The following HPSE2 variants were observed in gnomAD, a reference collection of about 807,000 sequenced individuals.
The protein encoded by HPSE2 is heparanase 2 (inactive).
Under a neutral mutation model 60.5 loss-of-function variants are expected in HPSE2, and 38 were observed. That is an observed-to-expected ratio of 0.63 (90% CI 0.48 to 0.82). The LOEUF is 0.82. Ranked by LOEUF, HPSE2 falls within the 40% of genes least tolerant of loss-of-function variation. The pLI is 0.00. For missense variants in HPSE2, 713 were observed against 740.4 expected (o/e 0.96, Z 0.43); for synonymous variants, 295 against 293.2 (o/e 1.01, Z -0.06).
chr10:99,180,042 A>G (rs1369349453), intron 2 of HPSE2, among the ~76,000 whole-genome samples: 1 of 152,232 alleles, frequency 6.6e-6, no homozygotes, highest in African/African-American at 2.4e-5. Flanking sequence ...TGGTGTTGGG[A>G]AAACTGGCTA....
intron 2 of HPSE2, among the ~76,000 whole-genome samples, chr10:99,155,883 A>C (rs1353045341): frequency 1.3e-5 from 2 of 151,994 alleles, no homozygotes; most frequent in Non-Finnish European, 2.9e-5. Flanking sequence ...AAAAAGAAGA[A>C]TCAAATAGAC....
At chr10:98,507,688 C>T (rs1187551951) in intron 9 of HPSE2, among the ~76,000 whole-genome samples, 1 of 151,914 alleles carries the variant, frequency 6.6e-6, no homozygotes, top group African/African-American at 2.4e-5. Context: ...TTATCATGTC[C>T]TTATGTAATC....
chr10:98,641,434 A>G (rs1220145265), intron 7 of HPSE2, among the ~76,000 whole-genome samples: 1 of 152,046 alleles, frequency 6.6e-6, no homozygotes, highest in East Asian at 1.9e-4. Flanking sequence ...TAAAAATATA[A>G]AAATTGGCTG....
chr10:98,751,568 G>A (rs1949759235), intron 3 of HPSE2, among the ~76,000 whole-genome samples: 1 of 152,180 alleles, frequency 6.6e-6, no homozygotes, highest in South Asian at 2.1e-4. Flanking sequence ...TTAGCTCTTG[G>A]AAGACAGGGC....
intron 3 of HPSE2, among the ~76,000 whole-genome samples, chr10:98,849,130 C>G (rs1952105698): frequency 6.6e-6 from 1 of 151,974 alleles, no homozygotes; most frequent in African/African-American, 2.4e-5. Context: ...AGAGGTTAAG[C>G]AATTGTCCAA....
intron 6 of HPSE2, among the ~76,000 whole-genome samples, chr10:98,677,400 C>T (rs1264272097): frequency 6.6e-6 from 1 of 152,030 alleles, no homozygotes; most frequent in Non-Finnish European, 1.5e-5. Context: ...GAAATATGGG[C>T]TAAACATCTG....
intron 3 of HPSE2, among the ~76,000 whole-genome samples, chr10:99,030,584 G>A (rs191967020): frequency 6.6e-6 from 1 of 152,218 alleles, no homozygotes; most frequent in East Asian, 1.9e-4. Context: ...CAGTTTGGAG[G>A]TTCCTCAAAA....
At chr10:98,744,212 A>G (rs1949570616) in intron 3 of HPSE2, 156 bp from the exon 4 acceptor site, 2 of 758,904 alleles carry the variant, frequency 2.6e-6, no homozygotes, top group Non-Finnish European at 4.4e-6. Flanking sequence ...TGGTCTGGGT[A>G]CATTTCAAGT....
chr10:98,757,409 A>AT (rs1180980725), intron 3 of HPSE2, among the ~76,000 whole-genome samples: 1 of 152,096 alleles, frequency 6.6e-6, no homozygotes, highest in African/African-American at 2.4e-5. Context: ...TTCACAGACA[A>AT]TATGATTCTA....
At chr10:98,812,062 T>G (rs1185880122) in intron 3 of HPSE2, among the ~76,000 whole-genome samples, 1 of 152,174 alleles carries the variant, frequency 6.6e-6, no homozygotes, top group Non-Finnish European at 1.5e-5. Context: ...TTTTGTAGAT[T>G]TTTTGAAGTT....
At chr10:99,283,942 C>T in the HPSE2 span, among the ~76,000 whole-genome samples, 1 of 152,020 alleles carries the variant, frequency 6.6e-6, no homozygotes, top group African/African-American at 2.4e-5. Context: ...TGAGTTCTAC[C>T]AATTCTGCCA....
At chr10:99,022,379 A>G (rs998243446) in intron 3 of HPSE2, among the ~76,000 whole-genome samples, 1 of 152,176 alleles carries the variant, frequency 6.6e-6, no homozygotes, top group East Asian at 1.9e-4. Flanking sequence ...GGAGGGCTAC[A>G]GCACTCTGTG....
chr10:98,479,705 C>T (rs1046775942), intron 11 of HPSE2, among the ~76,000 whole-genome samples: 1 of 152,206 alleles, frequency 6.6e-6, no homozygotes, highest in African/African-American at 2.4e-5. Flanking sequence ...CAACATTTCA[C>T]AGTGAATTAG....
At chr10:98,622,696 A>G (rs1395335923) in intron 7 of HPSE2, among the ~76,000 whole-genome samples, 2 of 152,222 alleles carry the variant, frequency 1.3e-5, no homozygotes, top group African/African-American at 4.8e-5. Flanking sequence ...TATTATGATC[A>G]TAAATGGAAG....
chr10:98,648,321 T>C (rs961106097), intron 6 of HPSE2, among the ~76,000 whole-genome samples: 2 of 152,182 alleles, frequency 1.3e-5, no homozygotes, highest in African/African-American at 2.4e-5. Context: ...AGGGAAATCA[T>C]ATGCAGCTTC....
intron 3 of HPSE2, among the ~76,000 whole-genome samples, chr10:99,098,612 G>A (rs969759758): frequency 1.3e-5 from 2 of 152,192 alleles, no homozygotes; most frequent in East Asian, 3.9e-4. Flanking sequence ...AAAATCATCT[G>A]TTCCATTTAG....
intron 3 of HPSE2, among the ~76,000 whole-genome samples, chr10:99,017,458 T>C (rs1200240373): frequency 6.6e-6 from 1 of 152,192 alleles, no homozygotes; most frequent in Non-Finnish European, 1.5e-5. Flanking sequence ...TGCATCAATG[T>C]TCATCAAGGA....
At chr10:99,076,354 G>T (rs746337574) in intron 3 of HPSE2, among the ~76,000 whole-genome samples, 1 of 151,938 alleles carries the variant, frequency 6.6e-6, no homozygotes, top group South Asian at 2.1e-4. Flanking sequence ...TTTATTTTGT[G>T]TATCAATTCA....
intron 3 of HPSE2, among the ~76,000 whole-genome samples, chr10:99,025,409 T>C (rs536377393): frequency 1.1e-4 from 17 of 152,280 alleles, no homozygotes; most frequent in African/African-American, 3.4e-4. Context: ...CAAATGTTCA[T>C]TGCAGCATTA....
Sources: allele counts gnomAD v4.1 joint callset (sites outside exome capture counted in the v4.1 genomes callset), GRCh38; gene constraint gnomAD v4.1.1; transcripts MANE v1.5; gene names NCBI Gene and HGNC (gene_info 2026-07-23, HGNC 2026-07-21).